SLC13A3: variants seen among roughly 807,000 people sequenced by gnomAD.
SLC13A3 encodes Na(+)/dicarboxylate cotransporter 3.
Under a neutral mutation model 59.0 loss-of-function variants are expected in SLC13A3, and 40 were observed. The observed-to-expected ratio is 0.68, with a 90% CI of 0.53 to 0.88. The LOEUF (loss-of-function observed/expected upper bound fraction) is 0.88. SLC13A3 is among the 40% of genes least tolerant of loss of function. The pLI, the probability that SLC13A3 is intolerant of heterozygous loss-of-function variation, is 0.00. For synonymous variants in SLC13A3, 317 were observed against 330.3 expected (o/e 0.96, Z 0.44); for missense variants, 699 against 783.2 (o/e 0.89, Z 1.28).
At chr20:46,674,441 A>G (rs1456520992), upstream of SLC13A3, among the ~76,000 whole-genome samples, 1 of 152,076 alleles carries the variant, frequency 6.6e-6, no homozygotes, top group African/African-American at 2.4e-5. Context: ...GGCCTCCTCC[A>G]TCCCAGGCAG....
intron 9 of SLC13A3, among the ~76,000 whole-genome samples, chr20:46,576,840 G>A (rs993297148): frequency 6.6e-6 from 1 of 152,034 alleles, no homozygotes; most frequent in African/African-American, 2.4e-5. Flanking sequence ...GTTACACAGT[G>A]GTCTACCTAA....
chr20:46,605,822 G>A (rs966504983), intron 3 of SLC13A3, among the ~76,000 whole-genome samples: 24 of 152,072 alleles, frequency 1.6e-4, no homozygotes, highest in East Asian at 5.8e-4. Flanking sequence ...AATTTGACAC[G>A]AAGAGGGCCC....
Position 46,567,144 on chromosome 20 carries a change from C to A in SLC13A3, c.1333-754G>T, listed in dbSNP as rs144469904. 2.6e-3 allele frequency among the ~76,000 whole-genome samples: 401 copies of A among 152,150 alleles called. 5 individuals carry two copies. The East Asian group carries it at 0.044, about 17-fold the overall frequency. ...GAGGGAGAGGTTTCAATGAGCCAAC[C>A]TCACGCCACTGCACTCCAGCCTGGG... On this transcript the variant is annotated intron_variant, in intron 10 of 12. Transcript: ENST00000279027.
chr20:46,653,523 A>G (rs146521459), upstream of SLC13A3, among the ~76,000 whole-genome samples: 361 of 152,342 alleles, frequency 2.4e-3, 2 homozygotes, highest in African/African-American at 7.6e-3. Context: ...ACAAACAAAC[A>G]AAAAAAGAAC....
intron 3 of SLC13A3, among the ~76,000 whole-genome samples, chr20:46,601,867 G>C (rs2745738): frequency 0.024 from 3,604 of 152,210 alleles, 142 homozygotes; most frequent in African/African-American, 0.082. Flanking sequence ...AGAAGAGTAA[G>C]AGGAGGCAAG....
rs768114211 is a variant in SLC13A3, at chr20:46,589,147, G to A, written c.1016+13C>T. The A allele has an allele frequency of 1.7e-5, 27 of 1,611,496 alleles. No individual in the cohort carries two copies. The East Asian group carries it at 6.0e-4, about 36-fold the overall frequency. On this transcript the variant is annotated intron_variant, in intron 7 of 12. Transcript: ENST00000279027. Reference sequence around the variant, plus strand: ...TACTCAGCTCTTTCCTTAACCCAAGGGCCCCCACATACTTGATGGGCCCCA... The same window carrying A: ...TACTCAGCTCTTTCCTTAACCCAAGAGCCCCCACATACTTGATGGGCCCCA...
At chr20:46,617,605 T>TGC (rs1194763744) in intron 1 of SLC13A3, among the ~76,000 whole-genome samples, 3 of 55,504 alleles carry the variant, frequency 5.4e-5, no homozygotes, top group African/African-American at 9.2e-5. Flanking sequence ...TGTGTGTGTG[T>TGC]GTGCGTGTGT....
chr20:46,646,058 T>C (rs751495950), intron 1 of SLC13A3, among the ~76,000 whole-genome samples: 1 of 152,182 alleles, frequency 6.6e-6, no homozygotes, highest in Non-Finnish European at 1.5e-5. Flanking sequence ...AAACTCCCTG[T>C]CTGAGCTCCC....
At chr20:46,676,475 G>C (rs967710741) in intron 1 of SLC13A3, among the ~76,000 whole-genome samples, 1 of 140,172 alleles carries the variant, frequency 7.1e-6, no homozygotes, top group Admixed American at 7.5e-5. Context: ...GGCTGGTCTC[G>C]AACTCCTGAG....
At chr20:46,570,051 T>C (rs2062016999) in intron 10 of SLC13A3, among the ~76,000 whole-genome samples, 2 of 152,182 alleles carry the variant, frequency 1.3e-5, no homozygotes, top group African/African-American at 4.8e-5. Flanking sequence ...GCGAATTTGA[T>C]TAAAGGAAGG....
At chr20:46,653,868 C>T (rs2062967738), upstream of SLC13A3, among the ~76,000 whole-genome samples, 1 of 152,042 alleles carries the variant, frequency 6.6e-6, no homozygotes, top group African/African-American at 2.4e-5. Context: ...TTGTTTCTAC[C>T]GTTTGGCTAT....
At chr20:46,568,500 T>C (rs1229711264) in intron 10 of SLC13A3, among the ~76,000 whole-genome samples, 1 of 151,950 alleles carries the variant, frequency 6.6e-6, no homozygotes, top group Non-Finnish European at 1.5e-5. Context: ...AAAAGTTACC[T>C]TCAATGTAAG....
upstream of SLC13A3, among the ~76,000 whole-genome samples, chr20:46,672,841 C>A (rs2063101091): frequency 6.6e-6 from 1 of 152,146 alleles, no homozygotes; most frequent in South Asian, 2.1e-4. Flanking sequence ...TATCAAGGCA[C>A]AAGACACATG....
chr20:46,662,400 A>G (rs2063036371), intron 1 of SLC13A3, among the ~76,000 whole-genome samples: 1 of 152,228 alleles, frequency 6.6e-6, no homozygotes, highest in South Asian at 2.1e-4. Flanking sequence ...CTATCAAAAT[A>G]CCAGGACCAT....
intron 7 of SLC13A3, 88 bp downstream of exon 7, chr20:46,589,071 GC>G: frequency 3.5e-6 from 4 of 1,127,616 alleles, no homozygotes; most frequent in Non-Finnish European, 3.9e-6. Flanking sequence ...CTGGAGCTCA[GC>G]CCCCATGGGC....
intron 11 of SLC13A3, among the ~76,000 whole-genome samples, chr20:46,563,942 G>C (rs903989989): frequency 6.6e-6 from 1 of 152,188 alleles, no homozygotes; most frequent in African/African-American, 2.4e-5. Flanking sequence ...TGAGAGTGCA[G>C]AAAAGCACTT....
chr20:46,618,775 T>G (rs1242237260), intron 1 of SLC13A3, among the ~76,000 whole-genome samples: 2 of 152,198 alleles, frequency 1.3e-5, no homozygotes, highest in Non-Finnish European at 2.9e-5. Flanking sequence ...GTAGCCCAAA[T>G]GGACTAAGAC....
chr20:46,646,583 G>C (rs531364172), intron 1 of SLC13A3, among the ~76,000 whole-genome samples: 35 of 152,090 alleles, frequency 2.3e-4, no homozygotes, highest in Non-Finnish European at 4.7e-4. Context: ...AGAAATTCAA[G>C]GTTTCCAGCC....
intron 1 of SLC13A3, among the ~76,000 whole-genome samples, chr20:46,659,901 G>A (rs1020239751): frequency 6.6e-6 from 1 of 152,080 alleles, no homozygotes; most frequent in African/African-American, 2.4e-5. Flanking sequence ...AGAAATGACT[G>A]TTACTCTTTC....
Sources: gnomAD v4.1 joint callset for allele counts (sites outside exome capture counted in the v4.1 genomes callset) on GRCh38, gnomAD v4.1.1 for gene constraint, MANE v1.5 for transcripts, NCBI Gene and HGNC (gene_info 2026-07-23, HGNC 2026-07-21) for gene names.